ACAD11: variants seen among roughly 807,000 people sequenced by gnomAD.
The protein encoded by ACAD11 is acyl-Coenzyme A dehydrogenase family, member 11.
Under a neutral mutation model 102.2 loss-of-function variants are expected in ACAD11, and 83 were observed. The observed-to-expected ratio is 0.81, with a 90% CI of 0.68 to 0.97. The LOEUF (loss-of-function observed/expected upper bound fraction) is 0.97, where lower values mean the gene tolerates loss of function less well. Ranked by LOEUF, ACAD11 falls within the 50% of genes least tolerant of loss-of-function variation. The probability of loss-of-function intolerance (pLI) is 0.00; values close to 1 mark genes in which losing one functional copy is unlikely to be tolerated. For missense variants in ACAD11, 901 were observed against 951.7 expected, an observed-to-expected ratio of 0.95 and a Z score of 0.70; for synonymous variants, 324 against 319.8, an observed-to-expected ratio of 1.01 and a Z score of -0.14.
chr3:132,633,692 C>T (rs1940146670), intron 5 of ACAD11, among the ~76,000 whole-genome samples: 1 of 152,140 alleles, frequency 6.6e-6, no homozygotes. Flanking sequence ...CAGCATGGTA[C>T]TGGTACTAAA....
rs569305991 is a variant in ACAD11, at chr3:132,582,788, A to T, written c.1622-3230T>A. On this transcript the variant is annotated intron_variant, in intron 13 of 19. Transcript: ENST00000264990. ...CTCTGTTCACCTCCAGGCTGGTGGT[A>T]GAATAAGGAGACACCTTAAACCGAC... Among the ~76,000 whole-genome samples, 6 of 152,256 alleles carry T rather than the reference A, an allele frequency of 3.9e-5. No homozygotes were observed. The South Asian group carries it at 1.2e-3, about 32-fold the overall frequency.
chr3:132,565,190 G>A (rs1259831623), intron 17 of ACAD11, among the ~76,000 whole-genome samples: 1 of 152,132 alleles, frequency 6.6e-6, no homozygotes. Flanking sequence ...CTTCCACCCT[G>A]GCAAGCACTG....
At position 132,572,272 on chromosome 3, in the gene ACAD11, G is replaced by A. The variant is rs1407091362; in HGVS notation, c.2001+3500C>T. Reference sequence around the variant, plus strand: ...ACTAGCACTCCCCGAGAGCCAAATCGGGAATGCAATCCCATTCACAGTTGC... The same window carrying A: ...ACTAGCACTCCCCGAGAGCCAAATCAGGAATGCAATCCCATTCACAGTTGC... On this transcript the variant is annotated intron_variant, in intron 17 of 19. Transcript: ENST00000264990. 2.6e-5 allele frequency among the ~76,000 whole-genome samples: 4 copies of A among 151,168 alleles called. No individual in the cohort carries two copies. The South Asian group carries it at 6.4e-4, about 24-fold the overall frequency.
At chr3:132,613,127 C>CA (rs1269017709) in intron 11 of ACAD11, among the ~76,000 whole-genome samples, 1 of 146,990 alleles carries the variant, frequency 6.8e-6, no homozygotes, top group Non-Finnish European at 1.5e-5. Flanking sequence ...ATCGCAAGGA[C>CA]AAAAAACCAA....
At chr3:132,650,044 T>A (rs575681506) in intron 1 of ACAD11, 1 of 152,314 alleles carries the variant, frequency 6.6e-6, no homozygotes, top group South Asian at 2.1e-4. Flanking sequence ...CCAAGAGGCA[T>A]AGAAGTACAA....
At chr3:132,582,670 T>A (rs114614993) in intron 13 of ACAD11, among the ~76,000 whole-genome samples, 32 of 151,300 alleles carry the variant, frequency 2.1e-4, no homozygotes, top group African/African-American at 6.6e-4. Flanking sequence ...TCTGACAAAA[T>A]GCTAAAACTG....
chr3:132,613,447 C>T (rs768712814), intron 11 of ACAD11, among the ~76,000 whole-genome samples: 2 of 151,580 alleles, frequency 1.3e-5, no homozygotes, highest in African/African-American at 2.4e-5. Flanking sequence ...AAAACCAGCA[C>T]AAGACAAAGA....
At chr3:132,586,030 A>G (rs944281053) in intron 13 of ACAD11, among the ~76,000 whole-genome samples, 1 of 152,188 alleles carries the variant, frequency 6.6e-6, no homozygotes, top group Non-Finnish European at 1.5e-5. Context: ...TGCTATAAAG[A>G]CACATGCACA....
intron 11 of ACAD11, among the ~76,000 whole-genome samples, chr3:132,609,082 T>C (rs1467828286): frequency 2.0e-5 from 3 of 152,138 alleles, no homozygotes; most frequent in African/African-American, 7.2e-5. Context: ...AAATAAGTTA[T>C]TTGAAACCAA....
chr3:132,634,930 G>T (rs1406678398), intron 5 of ACAD11, among the ~76,000 whole-genome samples: 1 of 150,924 alleles, frequency 6.6e-6, no homozygotes, highest in East Asian at 2.0e-4. Context: ...GGGAGGGATA[G>T]CATTAGGAGA....
intron 9 of ACAD11, 81 bp from the exon 10 acceptor site, chr3:132,619,626 A>C: frequency 1.4e-6 from 1 of 724,462 alleles, no homozygotes; most frequent in Non-Finnish European, 2.2e-6. Flanking sequence ...AATATCTAAA[A>C]TAAACATTTT....
intron 5 of ACAD11, among the ~76,000 whole-genome samples, chr3:132,632,899 G>A (rs901653946): frequency 2.0e-5 from 3 of 152,204 alleles, no homozygotes; most frequent in Admixed American, 6.5e-5. Flanking sequence ...ATATATGAAT[G>A]CTTGTGATTT....
chr3:132,591,637 C>T (rs554388193), intron 13 of ACAD11, among the ~76,000 whole-genome samples: 4 of 152,224 alleles, frequency 2.6e-5, no homozygotes, highest in South Asian at 2.1e-4. Context: ...TATCTGTAAT[C>T]CCAGAATTTT....
At chr3:132,608,175 A>G (rs1466890531) in intron 11 of ACAD11, among the ~76,000 whole-genome samples, 1 of 152,238 alleles carries the variant, frequency 6.6e-6, no homozygotes, top group Non-Finnish European at 1.5e-5. Context: ...AAAACATACC[A>G]AATTGTAAAG....
chr3:132,592,585 A>T (rs1450311903), intron 13 of ACAD11, among the ~76,000 whole-genome samples: 3 of 152,216 alleles, frequency 2.0e-5, no homozygotes, highest in Admixed American at 6.5e-5. Context: ...ATAAAAAAAC[A>T]TGACCTTTGA....
intron 12 of ACAD11, among the ~76,000 whole-genome samples, chr3:132,604,516 C>A (rs1938754252): frequency 6.6e-6 from 1 of 152,080 alleles, no homozygotes; most frequent in Non-Finnish European, 1.5e-5. Context: ...AAATTATGGA[C>A]AAGCAAAATT....
chr3:132,606,849 A>G (rs950450791), intron 11 of ACAD11, among the ~76,000 whole-genome samples: 2 of 152,234 alleles, frequency 1.3e-5, no homozygotes, highest in African/African-American at 4.8e-5. Context: ...ACACCTCCCA[A>G]CAGGGGTCAA....
intron 1 of ACAD11, among the ~76,000 whole-genome samples, chr3:132,655,289 G>T (rs1937724616): frequency 6.6e-6 from 1 of 152,150 alleles, no homozygotes; most frequent in African/African-American, 2.4e-5. Flanking sequence ...CTCAACACAA[G>T]AAGCAGAGAT....
chr3:132,610,841 G>C (rs954670525), intron 11 of ACAD11, among the ~76,000 whole-genome samples: 4 of 152,118 alleles, frequency 2.6e-5, no homozygotes, highest in East Asian at 1.9e-4. Flanking sequence ...CCTATTCATG[G>C]AAAAAGAGGG....
Sources: allele counts gnomAD v4.1 joint callset (sites outside exome capture counted in the v4.1 genomes callset), GRCh38; gene constraint gnomAD v4.1.1; transcripts MANE v1.5; gene names NCBI Gene and HGNC (gene_info 2026-07-23, HGNC 2026-07-21).